ASIC2: variants seen among roughly 807,000 people sequenced by gnomAD.
The protein encoded by ASIC2 is acid sensing ion channel subunit 2.
Under a neutral mutation model 57.3 loss-of-function variants are expected in ASIC2, and 25 were observed. That is an observed-to-expected ratio of 0.44 (90% CI 0.32 to 0.61). The LOEUF (loss-of-function observed/expected upper bound fraction) is 0.61, where lower values mean the gene tolerates loss of function less well. Among genes scored for constraint, ASIC2 ranks in the 20% least tolerant of loss-of-function variants. ASIC2 has a pLI of 0.06. For synonymous variants in ASIC2, 319 were observed against 307.5 expected (o/e 1.04, Z -0.39); for missense variants, 641 against 738.1 (o/e 0.87, Z 1.52).
At chr17:34,019,883 G>A (rs1282947425) in intron 1 of ASIC2, among the ~76,000 whole-genome samples, 1 of 152,146 alleles carries the variant, frequency 6.6e-6, no homozygotes, top group Non-Finnish European at 1.5e-5. Context: ...TGAGGCCTGG[G>A]CTCAGCTGGG....
intron 1 of ASIC2, among the ~76,000 whole-genome samples, chr17:33,779,511 C>T (rs569989515): frequency 6.6e-6 from 1 of 152,180 alleles, no homozygotes; most frequent in African/African-American, 2.4e-5. Context: ...GGGCTTTTGT[C>T]CCGTGTTCAG....
rs576978141 is a variant in ASIC2, at chr17:33,514,068, T to A, written c.556-402001A>T. 2.6e-5 allele frequency among the ~76,000 whole-genome samples: 4 copies of A among 152,304 alleles called. No individual in the cohort carries two copies. The South Asian group carries it at 8.3e-4, about 32-fold the overall frequency. On this transcript the variant is annotated intron_variant, in intron 1 of 9. Coordinates refer to the ASIC2 transcript ENST00000359872. ...ACCTCGTGGGTAGACATCACTCCCATTTGGCAGGGATGGAAGACAATTCCC... is the reference window on the plus strand; with the variant it reads ...ACCTCGTGGGTAGACATCACTCCCAATTGGCAGGGATGGAAGACAATTCCC...
At chr17:33,149,692 T>G (rs1904708217) in intron 1 of ASIC2, among the ~76,000 whole-genome samples, 1 of 152,076 alleles carries the variant, frequency 6.6e-6, no homozygotes, top group South Asian at 2.1e-4. Flanking sequence ...ACTTAAAAAT[T>G]GAAAAAAAAA....
intron 1 of ASIC2, among the ~76,000 whole-genome samples, chr17:33,772,972 G>A (rs1360722068): frequency 2.0e-5 from 3 of 152,180 alleles, no homozygotes; most frequent in African/African-American, 7.2e-5. Context: ...GTGGTACCTG[G>A]CACACAGCAA....
At chr17:33,863,731 G>A (rs947835824) in intron 1 of ASIC2, among the ~76,000 whole-genome samples, 2 of 152,138 alleles carry the variant, frequency 1.3e-5, no homozygotes, top group African/African-American at 4.8e-5. Context: ...AATTCTCAAA[G>A]TGGTATTAAT....
intron 1 of ASIC2, among the ~76,000 whole-genome samples, chr17:33,666,399 G>A (rs1038341618): frequency 2.6e-5 from 4 of 152,120 alleles, no homozygotes; most frequent in South Asian, 2.1e-4. Flanking sequence ...ACAGTGCAGC[G>A]GGCCGAGCAC....
chr17:33,179,309 C>A (rs959505822), intron 1 of ASIC2, among the ~76,000 whole-genome samples: 1 of 152,070 alleles, frequency 6.6e-6, no homozygotes, highest in Admixed American at 6.6e-5. Flanking sequence ...TTGCAACTAC[C>A]ACAAAATAAC....
At chr17:33,392,913 A>T (rs984974691) in intron 1 of ASIC2, among the ~76,000 whole-genome samples, 1 of 152,154 alleles carries the variant, frequency 6.6e-6, no homozygotes, top group South Asian at 2.1e-4. Context: ...TCTTTGATGC[A>T]TCTCATTCCT....
chr17:33,959,878 C>T (rs751281663), intron 1 of ASIC2, among the ~76,000 whole-genome samples: 1 of 152,258 alleles, frequency 6.6e-6, no homozygotes, highest in Non-Finnish European at 1.5e-5. Flanking sequence ...AACCATCATG[C>T]CTGCTGTTCT....
chr17:34,015,068 C>CT (rs776970617), intron 1 of ASIC2, among the ~76,000 whole-genome samples: 1,546 of 129,624 alleles, frequency 0.012, 14 homozygotes, highest in South Asian at 0.016. Flanking sequence ...TTTCTTCTGC[C>CT]TTTTTTTTTT....
At chr17:34,148,250 G>T (rs1436889993) in intron 1 of ASIC2, among the ~76,000 whole-genome samples, 1 of 152,092 alleles carries the variant, frequency 6.6e-6, no homozygotes, top group Non-Finnish European at 1.5e-5. Flanking sequence ...TTTTTTCTTT[G>T]CAAGTAGACA....
intron 1 of ASIC2, among the ~76,000 whole-genome samples, chr17:34,130,320 GC>G (rs1911914516): frequency 6.6e-6 from 1 of 152,210 alleles, no homozygotes; most frequent in Admixed American, 6.5e-5. Flanking sequence ...CTTTCCAGGT[GC>G]TGAAATCAGA....
At chr17:33,098,925 C>A (rs1474001278) in intron 2 of ASIC2, among the ~76,000 whole-genome samples, 7 of 149,610 alleles carry the variant, frequency 4.7e-5, no homozygotes, top group Non-Finnish European at 1.0e-4. Flanking sequence ...TACACACACA[C>A]AAAATATATA....
At chr17:33,520,758 T>C (rs1472709610) in intron 1 of ASIC2, among the ~76,000 whole-genome samples, 12 of 152,248 alleles carry the variant, frequency 7.9e-5, no homozygotes. Flanking sequence ...TCCCTGGGCC[T>C]CACCTGTGTT....
intron 1 of ASIC2, among the ~76,000 whole-genome samples, chr17:33,712,662 T>C (rs1303845024): frequency 7.6e-6 from 1 of 131,062 alleles, no homozygotes; most frequent in Non-Finnish European, 1.7e-5. Flanking sequence ...TTTTTTTTTT[T>C]TGAGACGGAG....
intron 1 of ASIC2, among the ~76,000 whole-genome samples, chr17:33,735,757 G>A (rs1419421250): frequency 6.6e-6 from 1 of 152,130 alleles, no homozygotes; most frequent in African/African-American, 2.4e-5. Flanking sequence ...GCTCCAGGGT[G>A]TGAATCAATT....
At chr17:33,728,811 G>C (rs1309861129) in intron 1 of ASIC2, among the ~76,000 whole-genome samples, 1 of 152,176 alleles carries the variant, frequency 6.6e-6, no homozygotes, top group Non-Finnish European at 1.5e-5. Context: ...AACCAGAGCT[G>C]CAGCGCCTAT....
At chr17:34,001,870 G>A (rs1906355784) in intron 1 of ASIC2, 2 of 152,214 alleles carry the variant, frequency 1.3e-5, no homozygotes, top group South Asian at 4.1e-4. Context: ...ATGGATAGTT[G>A]TTCAAATTGA....
intron 1 of ASIC2, among the ~76,000 whole-genome samples, chr17:33,875,327 G>A (rs2141934930): frequency 6.6e-6 from 1 of 152,314 alleles, no homozygotes; most frequent in South Asian, 2.1e-4. Flanking sequence ...CCAGAATACT[G>A]CTGGCCAATT....
Sources: allele counts gnomAD v4.1 joint callset (sites outside exome capture counted in the v4.1 genomes callset), GRCh38; gene constraint gnomAD v4.1.1; transcripts MANE v1.5; gene names NCBI Gene and HGNC (gene_info 2026-07-23, HGNC 2026-07-21).